Variants in PKHD1L1 observed in about 807,000 individuals in gnomAD.
The protein encoded by PKHD1L1 is fibrocystin-L.
Under a neutral mutation model 462.9 loss-of-function variants are expected in PKHD1L1, and 434 were observed. That is an observed-to-expected ratio of 0.94 (90% CI 0.87 to 1.02). The LOEUF (loss-of-function observed/expected upper bound fraction) is 1.02, where lower values mean the gene tolerates loss of function less well. Among genes scored for constraint, PKHD1L1 ranks in the 50% least tolerant of loss-of-function variants. The probability of loss-of-function intolerance (pLI) is 0.00; values close to 1 mark genes in which losing one functional copy is unlikely to be tolerated. For missense variants in PKHD1L1, 5,202 were observed against 5,096.1 expected (o/e 1.02, Z -0.63); for synonymous variants, 1,781 against 1,750.0 (o/e 1.02, Z -0.44).
chr8:109,470,542 T>G, intron 50 of PKHD1L1: 1 of 1,610,164 alleles, frequency 6.2e-7, no homozygotes, highest in Admixed American at 1.7e-5. Flanking sequence ...TGATTTTGAT[T>G]CCTTTATTGC....
chr8:109,527,545 T>C (rs1444982963), intron 77 of PKHD1L1, among the ~76,000 whole-genome samples: 1 of 152,086 alleles, frequency 6.6e-6, no homozygotes, highest in African/African-American at 2.4e-5. Context: ...AAATAAATAA[T>C]GTGAAACAAA....
Position 109,504,410 on chromosome 8 carries a change from C to A in PKHD1L1, c.10912C>A (p.Gln3638Lys), listed in dbSNP as rs774126598. The change falls in exon 68 of 78, where the codon CAG becomes AAG. Residue 3638 changes from glutamine (Q) to lysine (K), a missense_variant. Gln to Lys is a moderately conservative substitution (Grantham distance 53, BLOSUM62 1). Coordinates refer to ENST00000378402, the MANE Select transcript of PKHD1L1 (RefSeq NM_177531.6). ...FITNPLNEDLQHPIHVKNIKL... is the reference protein window; with the variant it reads ...FITNPLNEDLKHPIHVKNIKL... ...TACTAACCCTTTAAATGAGGATTTA[C>A]AGCATCCAATCCATGTGAAGAATAT... The A allele has an allele frequency of 6.4e-7, 1 of 1,559,770 alleles. No homozygotes were observed. Among genetic ancestry groups the A allele is most frequent in the Admixed American group, 1.8e-5 (1 of 55,224 alleles).
intron 50 of PKHD1L1, among the ~76,000 whole-genome samples, chr8:109,473,275 G>A (rs553454630): frequency 2.0e-5 from 3 of 152,266 alleles, no homozygotes; most frequent in Non-Finnish European, 2.9e-5. Flanking sequence ...CCTTTGGGGG[G>A]CAAAGGTGGG....
intron 9 of PKHD1L1, among the ~76,000 whole-genome samples, chr8:109,392,031 G>A (rs1812736680): frequency 5.9e-5 from 9 of 152,146 alleles, no homozygotes; most frequent in Admixed American, 5.9e-4. Flanking sequence ...TGGGACACAT[G>A]ACTTAGGGTC....
rs1818161632 is a variant in PKHD1L1, at chr8:109,479,452, T to C, written c.9090-99T>C. 9.9e-6 allele frequency: 8 copies of C among 805,220 alleles called. No homozygotes were observed. In the East Asian group the frequency reaches 1.9e-4, roughly 19 times the overall value. 49.9% of individuals were successfully genotyped at this position (805,220 alleles called of 1,614,324 possible). A position where few individuals can be genotyped will look rare whatever the true frequency, so the allele number is the denominator to read the frequency against. ...CGTGCATTTTTTTTCTTCTCTACCA[T>C]GTAAAATCTTATGGGGAAATGGAAC... On this transcript the variant is annotated intron_variant, in intron 53 of 77. Transcript: ENST00000378402.
At chr8:109,410,015 TAAG>T (rs1813755182) in intron 19 of PKHD1L1, 37 bp downstream of exon 19, 2 of 1,088,480 alleles carry the variant, frequency 1.8e-6, no homozygotes, top group African/African-American at 3.3e-5. Context: ...ACTGACCTAA[TAAG>T]AATTTATATA....
At chr8:109,470,455 T>C in intron 50 of PKHD1L1, 2 of 1,603,040 alleles carry the variant, frequency 1.2e-6, no homozygotes, top group Non-Finnish European at 1.7e-6. Context: ...AAGGAATGGA[T>C]TGGTTAAAGC....
chr8:109,470,221 G>C (rs1006470544), intron 50 of PKHD1L1: 113 of 1,159,406 alleles, frequency 9.7e-5, no homozygotes, highest in Non-Finnish European at 1.3e-4. Context: ...TTACTCTACT[G>C]AGCCTTGTTG....
At chr8:109,451,223 C>A in intron 41 of PKHD1L1, 74 bp downstream of exon 41, 1 of 1,439,192 alleles carries the variant, frequency 6.9e-7, no homozygotes, top group Non-Finnish European at 9.3e-7. Context: ...TCTCCTATGC[C>A]CGGACAGTGC....
chr8:109,468,525 A>G (rs1172556388), intron 50 of PKHD1L1, among the ~76,000 whole-genome samples: 1 of 152,210 alleles, frequency 6.6e-6, no homozygotes, highest in Non-Finnish European at 1.5e-5. Flanking sequence ...AATTAAATGG[A>G]ATTAGTTGCA....
chr8:109,470,502 TGGAAAAGAAAG>T, intron 50 of PKHD1L1: 1 of 1,610,608 alleles, frequency 6.2e-7, no homozygotes, highest in East Asian at 2.2e-5. Context: ...AGCAACTGGC[TGGAAAAGAAAG>T]GGAAAAGAAG....
chr8:109,462,792 G>C (rs557801721), intron 48 of PKHD1L1, among the ~76,000 whole-genome samples: 1 of 151,936 alleles, frequency 6.6e-6, no homozygotes, highest in Non-Finnish European at 1.5e-5. Flanking sequence ...CACATGCCTC[G>C]GTCTCCCAAA....
chr8:109,370,501 AT>A (rs1384346694), intron 2 of PKHD1L1, among the ~76,000 whole-genome samples: 5 of 151,218 alleles, frequency 3.3e-5, no homozygotes, highest in African/African-American at 4.8e-5. Flanking sequence ...TTTATTTTTT[AT>A]TTTTTTAATT....
intron 8 of PKHD1L1, among the ~76,000 whole-genome samples, chr8:109,389,790 A>G (rs1812626258): frequency 6.6e-6 from 1 of 152,068 alleles, no homozygotes; most frequent in African/African-American, 2.4e-5. Flanking sequence ...AGCCTCCCAA[A>G]GTGCTGGGAT....
rs1484868411 is a variant in PKHD1L1 at position 109,535,291 on chromosome 8, T to C, written c.*5201T>C. Reference sequence around the variant, plus strand: ...ATTTTCCTTTGGTTTTTCATTACAGTAACTTATGCATTTAGGCAGATGATC... The same window carrying C: ...ATTTTCCTTTGGTTTTTCATTACAGCAACTTATGCATTTAGGCAGATGATC... On this transcript the variant is annotated 3_prime_UTR_variant, in exon 78 of 78. Coordinates refer to ENST00000378402, the MANE Select transcript of PKHD1L1 (RefSeq NM_177531.6). Among the ~76,000 whole-genome samples, 1 of 152,242 alleles carries C rather than the reference T, an allele frequency of 6.6e-6. No individual in the cohort carries two copies. Among genetic ancestry groups the C allele is most frequent in the African/African-American group, 2.4e-5 (1 of 41,468 alleles).
At chr8:109,424,664 T>G (rs1814646038) in intron 23 of PKHD1L1, among the ~76,000 whole-genome samples, 1 of 152,214 alleles carries the variant, frequency 6.6e-6, no homozygotes, top group African/African-American at 2.4e-5. Flanking sequence ...CTTAAATTGT[T>G]GGTTAACTTT....
At chr8:109,482,395 G>A (rs891359359) in intron 56 of PKHD1L1, among the ~76,000 whole-genome samples, 3 of 151,720 alleles carry the variant, frequency 2.0e-5, no homozygotes, top group African/African-American at 2.4e-5. Flanking sequence ...AAACATATCT[G>A]TAAAGAATAC....
intron 46 of PKHD1L1, among the ~76,000 whole-genome samples, chr8:109,459,286 T>G (rs780203644): frequency 4.6e-5 from 7 of 152,132 alleles, no homozygotes; most frequent in Non-Finnish European, 8.8e-5. Context: ...CATCCTCAAT[T>G]GAGAACCACT....
intron 41 of PKHD1L1, among the ~76,000 whole-genome samples, chr8:109,451,558 T>C (rs1261526563): frequency 1.3e-5 from 2 of 152,242 alleles, no homozygotes; most frequent in Non-Finnish European, 2.9e-5. Context: ...ACAGCAGTTC[T>C]ATTCCACTGT....
Sources: allele counts gnomAD v4.1 joint callset (sites outside exome capture counted in the v4.1 genomes callset), GRCh38; gene constraint gnomAD v4.1.1; transcripts MANE v1.5; gene names NCBI Gene and HGNC (gene_info 2026-07-23, HGNC 2026-07-21).